The following ABCG2 variants were observed in gnomAD, a reference collection of about 807,000 sequenced individuals.
ABCG2 encodes the protein broad substrate specificity ATP-binding cassette transporter ABCG2.
In ABCG2, 80 loss-of-function variants were observed where a neutral mutation model predicts 73.5. The ratio of observed to expected loss-of-function variants is 1.09; its 90% CI spans 0.91 to 1.31. ABCG2 has a LOEUF of 1.31. Among genes scored for constraint, ABCG2 ranks in the 50% most tolerant of loss-of-function variants. The pLI is 0.00. For missense variants in ABCG2, 796 were observed against 786.2 expected (o/e 1.01, Z -0.15); for synonymous variants, 269 against 282.4 (o/e 0.95, Z 0.48).
chr4:88,131,335 T>C, intron 4 of ABCG2, 122 bp from the exon 5 acceptor site: 2 of 1,037,886 alleles, frequency 1.9e-6, no homozygotes, highest in African/African-American at 1.6e-5. Context: ...TTCTAGCTAA[T>C]GATGAACCTG....
chr4:88,188,685 G>A (rs997255993), intron 1 of ABCG2, among the ~76,000 whole-genome samples: 2 of 152,124 alleles, frequency 1.3e-5, no homozygotes, highest in African/African-American at 4.8e-5. Context: ...CGTTGAATCT[G>A]TAGACTGTGT....
At chr4:88,118,311 T>C in intron 6 of ABCG2, 51 bp from the exon 7 acceptor site, 1 of 1,584,148 alleles carries the variant, frequency 6.3e-7, no homozygotes, top group African/African-American at 1.3e-5. Context: ...GAAACTTGTA[T>C]TTCTCAGTAA....
intron 1 of ABCG2, among the ~76,000 whole-genome samples, chr4:88,140,720 G>A (rs899524191): frequency 3.9e-5 from 6 of 152,140 alleles, no homozygotes; most frequent in Non-Finnish European, 8.8e-5. Flanking sequence ...TCAGGAACAG[G>A]AGACATTTCT....
intron 1 of ABCG2, among the ~76,000 whole-genome samples, chr4:88,229,199 G>A (rs1038733399): frequency 2.6e-5 from 4 of 152,182 alleles, no homozygotes; most frequent in South Asian, 4.1e-4. Flanking sequence ...TGAAGTCAGC[G>A]AGACCAAGAA....
In ABCG2 at chr4:88,113,835, G is replaced by A. The variant is rs549793297; in HGVS notation, c.944-282C>T. ...AAAAATTAGCCTGGCGTGGTGGTGC[G>A]TGCCTGTAATCCCAGCCACTCAGGA... On this transcript the variant is annotated intron_variant, in intron 8 of 15. Transcript: ENST00000237612. 5.3e-5 allele frequency among the ~76,000 whole-genome samples: 8 copies of A among 151,936 alleles called. No homozygotes were observed. The East Asian group carries it at 5.8e-4, about 11-fold the overall frequency.
rs537691296 is a variant in ABCG2, at chr4:88,210,353, A to G, written c.-20+20641T>C. Among the ~76,000 whole-genome samples, 7 of 152,182 alleles carry G rather than the reference A, an allele frequency of 4.6e-5. No individual in the cohort carries two copies. The East Asian group carries it at 1.4e-3, about 30-fold the overall frequency. Reference sequence around the variant, plus strand: ...GAGGCAGGCACCATTGTGCCTGGCTAGTAATGCAATATTTTTGTGTTCGTT... The same window carrying G: ...GAGGCAGGCACCATTGTGCCTGGCTGGTAATGCAATATTTTTGTGTTCGTT... On this transcript the variant is annotated intron_variant, in intron 1 of 15. Coordinates refer to the ABCG2 transcript ENST00000515655.
At position 88,175,045 on chromosome 4, in the gene ABCG2, C is replaced by T. The variant is rs374599541; in HGVS notation, c.-19-35031G>A. Among the ~76,000 whole-genome samples, 107 of 152,112 alleles carry T rather than the reference C, an allele frequency of 7.0e-4. 7 individuals carry two copies. The South Asian group carries it at 0.02, about 29-fold the overall frequency. On this transcript the variant is annotated intron_variant, in intron 1 of 15. Transcript: ENST00000515655. ...GGTGTTCTTATATGAAGAGGAAATT[C>T]GGAAACACAAAGAGACACAGTGAGA...
intron 1 of ABCG2, among the ~76,000 whole-genome samples, chr4:88,209,781 G>A (rs999774312): frequency 2.0e-5 from 3 of 152,180 alleles, no homozygotes; most frequent in African/African-American, 7.2e-5. Flanking sequence ...TTGTGTTGGT[G>A]TTGGCAATGT....
chr4:88,102,551 G>A (rs920626505), intron 10 of ABCG2, among the ~76,000 whole-genome samples: 98 of 150,540 alleles, frequency 6.5e-4, no homozygotes, highest in Non-Finnish European at 2.7e-4. Flanking sequence ...AGCTGAGATC[G>A]CGCCACTGCA....
upstream of ABCG2, chr4:88,159,260 G>C: frequency 2.2e-6 from 1 of 454,972 alleles, no homozygotes; most frequent in South Asian, 1.6e-5. Flanking sequence ...CCGAAGCACC[G>C]GGGACGCTGA....
chr4:88,142,847 C>T (rs528078836), intron 1 of ABCG2, among the ~76,000 whole-genome samples: 3 of 151,984 alleles, frequency 2.0e-5, no homozygotes, highest in African/African-American at 7.3e-5. Context: ...ACTCGGGAGG[C>T]TGAGGCAGGA....
intron 1 of ABCG2, among the ~76,000 whole-genome samples, chr4:88,148,050 C>A (rs959250258): frequency 6.6e-6 from 1 of 152,122 alleles, no homozygotes; most frequent in African/African-American, 2.4e-5. Context: ...ACAAGACCTG[C>A]GAGGTGGGAG....
chr4:88,132,041 A>T lies in ABCG2; in HGVS notation c.264-124T>A, dbSNP rs1020484609. The T allele has an allele frequency of 4.8e-6, 3 of 631,088 alleles. No homozygotes were observed. The African/African-American group carries it at 5.5e-5, about 12-fold the overall frequency. 39.1% of individuals were successfully genotyped at this position (631,088 alleles called of 1,614,324 possible). On this transcript the variant is annotated intron_variant, in intron 3 of 15. Transcript: ENST00000237612. The stretch of plus-strand genomic sequence containing the variant: ...CTACTTTGAATCCAAATTCTACTTT[A>T]GTTAGAAAATTAACTGGTCAAGAAA...
intron 1 of ABCG2, among the ~76,000 whole-genome samples, chr4:88,220,113 A>T (rs985439877): frequency 6.6e-6 from 1 of 152,208 alleles, no homozygotes; most frequent in East Asian, 1.9e-4. Context: ...TTCTCTTAGC[A>T]TAATGTCTTC....
At chr4:88,218,326 C>T (rs528590631) in intron 1 of ABCG2, among the ~76,000 whole-genome samples, 8 of 152,320 alleles carry the variant, frequency 5.3e-5, no homozygotes, top group Non-Finnish European at 1.2e-4. Context: ...TGTCCTCCTC[C>T]GTCTAGAAAG....
rs561582670 is a variant in ABCG2, at chr4:88,154,705, C to T, written c.-20+3681G>A. On this transcript the variant is annotated intron_variant, in intron 1 of 15. Transcript: ENST00000237612. ...TGGTATCAGGAATAATGTGGGAGGC[C>T]GGATTGAAGTCTGGGCCAGGAACAA... 1.1e-3 allele frequency among the ~76,000 whole-genome samples: 163 copies of T among 152,054 alleles called. 1 individual carries two copies. Among genetic ancestry groups the T allele is most frequent in the African/African-American group, 2.9e-3 (119 of 41,494 alleles).
chr4:88,206,866 C>G (rs1186249197), intron 1 of ABCG2, among the ~76,000 whole-genome samples: 1 of 152,162 alleles, frequency 6.6e-6, no homozygotes, highest in Non-Finnish European at 1.5e-5. Context: ...CTGATTGGTG[C>G]ATTTACAATC....
At chr4:88,130,101 T>C (rs975889896) in intron 5 of ABCG2, among the ~76,000 whole-genome samples, 1 of 152,166 alleles carries the variant, frequency 6.6e-6, no homozygotes, top group Non-Finnish European at 1.5e-5. Context: ...AAATATAATT[T>C]TGGAAGCCAA....
intron 7 of ABCG2, 107 bp downstream of exon 7, chr4:88,118,002 C>T (rs368477710): frequency 9.1e-7 from 1 of 1,096,918 alleles, no homozygotes; most frequent in South Asian, 1.8e-5. Flanking sequence ...GATAGATTCT[C>T]ATGGTATGTC....
Sources: gnomAD v4.1 joint callset for allele counts (sites outside exome capture counted in the v4.1 genomes callset) on GRCh38, gnomAD v4.1.1 for gene constraint, MANE v1.5 for transcripts, NCBI Gene and HGNC (gene_info 2026-07-23, HGNC 2026-07-21) for gene names.